The following EXOC6B variants were observed in gnomAD, a reference collection of about 807,000 sequenced individuals.
EXOC6B encodes exocyst complex component 6B.
A neutral mutation model predicts 113.5 loss-of-function variants in EXOC6B; 54 were observed. The observed-to-expected ratio is 0.48, with a 90% CI of 0.38 to 0.60. The LOEUF (loss-of-function observed/expected upper bound fraction) is 0.60, where lower values mean the gene tolerates loss of function less well. Among genes scored for constraint, EXOC6B ranks in the 20% least tolerant of loss-of-function variants. The probability of loss-of-function intolerance (pLI) is 0.00; values close to 1 mark genes in which losing one functional copy is unlikely to be tolerated. For synonymous variants in EXOC6B, 357 were observed against 339.0 expected (o/e 1.05, Z -0.58); for missense variants, 797 against 977.5 (o/e 0.82, Z 2.46).
intron 17 of EXOC6B, among the ~76,000 whole-genome samples, chr2:72,470,207 A>G (rs1471848324): frequency 1.3e-5 from 2 of 152,156 alleles, no homozygotes; most frequent in Non-Finnish European, 2.9e-5. Flanking sequence ...CTTCTGATAT[A>G]TAAGTATGGT....
chr2:72,197,623 T>C (rs1679252409), intron 20 of EXOC6B, among the ~76,000 whole-genome samples: 1 of 151,240 alleles, frequency 6.6e-6, no homozygotes, highest in Non-Finnish European at 1.5e-5. Context: ...TCTGAGACAA[T>C]GAGGATCTGG....
intron 18 of EXOC6B, among the ~76,000 whole-genome samples, chr2:72,385,088 T>C (rs748026889): frequency 8.7e-4 from 132 of 152,144 alleles, no homozygotes; most frequent in Non-Finnish European, 1.6e-3. Context: ...GATGGAGCTG[T>C]CACATAGTCT....
chr2:72,399,869 A>G (rs1693024056), intron 18 of EXOC6B, among the ~76,000 whole-genome samples: 1 of 152,218 alleles, frequency 6.6e-6, no homozygotes. Context: ...AAAGCAATCT[A>G]CAGATTCAAT....
intron 6 of EXOC6B, among the ~76,000 whole-genome samples, chr2:72,662,802 G>C (rs1460341143): frequency 6.6e-6 from 1 of 151,810 alleles, no homozygotes; most frequent in Non-Finnish European, 1.5e-5. Context: ...GCAGTGGCAC[G>C]ATCTCAGCTC....
At chr2:72,806,506 T>C (rs1213352345) in intron 1 of EXOC6B, among the ~76,000 whole-genome samples, 1 of 152,256 alleles carries the variant, frequency 6.6e-6, no homozygotes, top group Non-Finnish European at 1.5e-5. Context: ...AGTGCCTGTG[T>C]CTTTTTGGAA....
intron 8 of EXOC6B, among the ~76,000 whole-genome samples, chr2:72,539,968 C>CT (rs1702508196): frequency 1.7e-5 from 2 of 119,366 alleles, no homozygotes; most frequent in Admixed American, 1.1e-4. Context: ...CCACAACAGT[C>CT]CCCAGAGTGT....
chr2:72,329,914 T>C (rs1477867662), intron 20 of EXOC6B, among the ~76,000 whole-genome samples: 1 of 152,080 alleles, frequency 6.6e-6, no homozygotes, highest in East Asian at 1.9e-4. Flanking sequence ...TGCACTGTGT[T>C]TACTTTAGAT....
chr2:72,411,088 G>A (rs929845662), intron 18 of EXOC6B, among the ~76,000 whole-genome samples: 12 of 152,134 alleles, frequency 7.9e-5, no homozygotes, highest in African/African-American at 2.9e-4. Context: ...GCACGCCTGT[G>A]GTCCCAGATA....
intron 6 of EXOC6B, among the ~76,000 whole-genome samples, chr2:72,628,482 A>G (rs955565939): frequency 6.6e-6 from 1 of 152,156 alleles, no homozygotes; most frequent in Non-Finnish European, 1.5e-5. Flanking sequence ...ATAGGATTAT[A>G]TAACATAACA....
At chr2:72,607,098 A>C (rs915925176) in intron 6 of EXOC6B, among the ~76,000 whole-genome samples, 1 of 152,216 alleles carries the variant, frequency 6.6e-6, no homozygotes, top group Non-Finnish European at 1.5e-5. Flanking sequence ...ATTATGGAAT[A>C]GGATGGGTGG....
At chr2:72,325,585 T>C (rs982176586) in intron 20 of EXOC6B, among the ~76,000 whole-genome samples, 4 of 151,860 alleles carry the variant, frequency 2.6e-5, no homozygotes, top group African/African-American at 9.7e-5. Flanking sequence ...CTGCCATTTA[T>C]AATAGTTTAA....
chr2:72,595,548 G>A (rs1474641008), intron 6 of EXOC6B, among the ~76,000 whole-genome samples: 1 of 151,616 alleles, frequency 6.6e-6, no homozygotes, highest in African/African-American at 2.4e-5. Context: ...AAAGTAATAT[G>A]TCAGAAGAAT....
Position 72,499,953 on chromosome 2 carries a change from T to G in EXOC6B, c.1187A>C (p.Asn396Thr). 1 of 1,551,862 alleles carries G rather than the reference T, an allele frequency of 6.4e-7. No individual in the cohort carries two copies. Among genetic ancestry groups the G allele is most frequent in the East Asian group, 2.4e-5 (1 of 41,170 alleles). The change falls in exon 12 of 22, where the codon AAC becomes ACC. Residue 396 changes from asparagine (N) to threonine (T), a missense_variant. By Grantham distance (65) the Asn-to-Thr change is moderately conservative. Coordinates refer to ENST00000272427, the MANE Select transcript of EXOC6B (RefSeq NM_015189.3). The part of the protein sequence containing the change: ...RTHSSYCSDP[N>T]LVLDLKNLIV... ...GAGGTTCTTCAAATCTAACACAAGG[T>G]TTGGATCAGAACAGTAAGACTAAAG...
chr2:72,616,055 G>C (rs1297184992), intron 6 of EXOC6B, among the ~76,000 whole-genome samples: 1 of 151,972 alleles, frequency 6.6e-6, no homozygotes, highest in Non-Finnish European at 1.5e-5. Flanking sequence ...CCTTTATACA[G>C]CTATACAAAA....
chr2:72,333,248 A>G (rs932516731), intron 20 of EXOC6B, among the ~76,000 whole-genome samples: 6 of 152,286 alleles, frequency 3.9e-5, no homozygotes, highest in Middle Eastern at 3.4e-3. Context: ...TTGCACATTC[A>G]TTCCCGACTC....
intron 18 of EXOC6B, among the ~76,000 whole-genome samples, chr2:72,399,175 G>GATTTA (rs1168499921): frequency 6.6e-6 from 1 of 151,994 alleles, no homozygotes; most frequent in African/African-American, 2.4e-5. Context: ...CAGTAAATGT[G>GATTTA]ATTTGAAAAA....
chr2:72,506,322 G>C (rs1274802963), intron 11 of EXOC6B, among the ~76,000 whole-genome samples: 1 of 152,060 alleles, frequency 6.6e-6, no homozygotes, highest in Non-Finnish European at 1.5e-5. Flanking sequence ...AATTTTGACT[G>C]TTTTTTCTTC....
chr2:72,224,822 G>T (rs60460654), intron 20 of EXOC6B, among the ~76,000 whole-genome samples: 4 of 150,290 alleles, frequency 2.7e-5, no homozygotes, highest in Non-Finnish European at 4.4e-5. Flanking sequence ...GTGTGTGTGC[G>T]TGTGTGTATG....
At chr2:72,610,055 C>G (rs113102671) in intron 6 of EXOC6B, among the ~76,000 whole-genome samples, 4 of 151,934 alleles carry the variant, frequency 2.6e-5, no homozygotes, top group African/African-American at 4.8e-5. Context: ...CTTAGGTGAA[C>G]GAACACAGAG....
Sources: allele counts gnomAD v4.1 joint callset (sites outside exome capture counted in the v4.1 genomes callset), GRCh38; gene constraint gnomAD v4.1.1; transcripts MANE v1.5; gene names NCBI Gene and HGNC (gene_info 2026-07-23, HGNC 2026-07-21).